DENND2B: variants seen among roughly 807,000 people sequenced by gnomAD.
The protein encoded by DENND2B is DENN domain containing 2B.
DENND2B carries 32 observed loss-of-function variants against 116.0 expected under a neutral mutation model. The ratio of observed to expected loss-of-function variants is 0.28; its 90% CI spans 0.21 to 0.37. The LOEUF is 0.37. Ranked by LOEUF, DENND2B falls within the 10% of genes least tolerant of loss-of-function variation. The pLI is 1.00. For missense variants in DENND2B, 1,276 were observed against 1,477.7 expected (o/e 0.86, Z 2.24); for synonymous variants, 588 against 583.9 (o/e 1.01, Z -0.10).
chr11:8,847,897 C>T (rs556499202), intron 3 of DENND2B, among the ~76,000 whole-genome samples: 1 of 152,040 alleles, frequency 6.6e-6, no homozygotes, highest in Non-Finnish European at 1.5e-5. Flanking sequence ...GAGAACTATC[C>T]CGCAAATGAT....
At chr11:8,788,694 G>A (rs1344985836) in intron 1 of DENND2B, among the ~76,000 whole-genome samples, 2 of 152,140 alleles carry the variant, frequency 1.3e-5, no homozygotes, top group Admixed American at 6.6e-5. Context: ...CTGATTCCCT[G>A]ACATCAATTC....
intron 1 of DENND2B, chr11:8,909,725 G>C (rs1275155945): frequency 6.6e-6 from 1 of 152,182 alleles, no homozygotes; most frequent in African/African-American, 2.4e-5. Context: ...GAAGGAGGTC[G>C]TATTGGTCGG....
At chr11:8,910,074 TTC>T (rs2064296692) in intron 1 of DENND2B, among the ~76,000 whole-genome samples, 1 of 151,884 alleles carries the variant, frequency 6.6e-6, no homozygotes, top group Non-Finnish European at 1.5e-5. Context: ...TGGTGCAGTC[TTC>T]CTAAAAGATG....
At position 8,731,001 on chromosome 11, in the gene DENND2B, C is replaced by A. The variant is rs560823063; in HGVS notation, c.289G>T (p.Ala97Ser). Residue 97 changes from alanine to serine, a missense_variant, in exon 3 of 20, where the codon GCC becomes TCC. Physicochemically the swap from Ala to Ser is moderately conservative, Grantham distance 99. Around this residue, in one of 2 missense-constraint regions of DENND2B, gnomAD observed 856 missense variants for 846.6 expected, o/e 1.01. Transcript: ENST00000313726. ...CTTCTGTCCAAATAACCGAAGCTGG[C>A]GGTCTTGAAGGGACAGGTGGGTGGG... ...TSPPTCPFKTASFGYLDRSPS... is the reference protein window; with the variant it reads ...TSPPTCPFKTSSFGYLDRSPS... 1.2e-5 allele frequency: 20 copies of A among 1,613,920 alleles called. No individual in the cohort carries two copies. The highest frequency in any genetic ancestry group is 1.7e-5 in the Non-Finnish European group (20 of 1,180,026).
chr11:8,727,964 A>AAC lies in DENND2B; in HGVS notation c.1341-1757_1341-1756dup, dbSNP rs55688240. Among the ~76,000 whole-genome samples the AAC allele has an allele frequency of 1.0e-3, 145 of 138,764 alleles. 1 individual carries two copies. Among genetic ancestry groups the AAC allele is most frequent in the African/African-American group, 3.9e-3 (141 of 36,164 alleles). 91.0% of individuals were successfully genotyped at this position (138,764 alleles called of 152,430 possible). The stretch of plus-strand genomic sequence containing the variant: ...TTTGGCTTGGCTTGCATTTTACACA[A>AAC]ACACACACACACACACACACACACA... On this transcript the variant is annotated intron_variant, in intron 3 of 19. Transcript: ENST00000313726.
chr11:8,696,914 G>A (rs976027896), intron 17 of DENND2B, among the ~76,000 whole-genome samples: 27 of 152,192 alleles, frequency 1.8e-4, no homozygotes, highest in African/African-American at 6.5e-4. Context: ...CTCCCAAGTA[G>A]CTGGGATTAC....
Position 8,695,563 on chromosome 11 carries a change from A to G in DENND2B, c.3293-14T>C. The G allele has an allele frequency of 6.2e-7, 1 of 1,612,344 alleles. No homozygotes were observed. Among genetic ancestry groups the G allele is most frequent in the Non-Finnish European group, 8.5e-7 (1 of 1,178,664 alleles). On this transcript the variant is annotated splice_polypyrimidine_tract_variant and intron_variant, in intron 18 of 19. Transcript: ENST00000313726. ...GCTCAAAAAGGCCTGGGTAAAAGAA[A>G]CAGGCACAGGGAAGAGAACAGTCAT...
chr11:8,753,418 T>G (rs951252081), intron 1 of DENND2B, among the ~76,000 whole-genome samples: 1 of 151,994 alleles, frequency 6.6e-6, no homozygotes, highest in African/African-American at 2.4e-5. Flanking sequence ...AAATTAGACA[T>G]AAAAAATGAA....
intron 1 of DENND2B, among the ~76,000 whole-genome samples, chr11:8,889,638 C>T: frequency 6.6e-6 from 1 of 152,200 alleles, no homozygotes; most frequent in Non-Finnish European, 1.5e-5. Context: ...TGGAGCCTGG[C>T]TCATTGCTAG....
At chr11:8,713,387 A>AT (rs1203497567) in intron 8 of DENND2B, among the ~76,000 whole-genome samples, 33 of 148,884 alleles carry the variant, frequency 2.2e-4, no homozygotes, top group Non-Finnish European at 2.8e-4. Context: ...CAGATCTACA[A>AT]TTTTTTTTTT....
At chr11:8,825,900 C>T (rs995111073) in intron 4 of DENND2B, among the ~76,000 whole-genome samples, 5 of 152,160 alleles carry the variant, frequency 3.3e-5, no homozygotes, top group Non-Finnish European at 5.9e-5. Flanking sequence ...TCATGTCCTA[C>T]TCTGCTCCAT....
rs1334446758 is a variant in DENND2B at position 8,696,578 on chromosome 11, C to G, written c.3141G>C (p.Gln1047His). The G allele has an allele frequency of 1.2e-6, 2 of 1,614,224 alleles. No individual in the cohort carries two copies. Among genetic ancestry groups the G allele is most frequent in the East Asian group, 2.2e-5 (1 of 44,884 alleles). The change falls in exon 18 of 20, where the codon CAG (glutamine) becomes CAC (histidine). Residue 1047 changes from glutamine (Q) to histidine (H), a missense_variant. Physicochemically the swap from Gln to His is conservative, Grantham distance 24. Coordinates refer to ENST00000313726, the MANE Select transcript of DENND2B (RefSeq NM_213618.2). ...TVGHYSLFLT[Q>H]SEKGERAFQR... ...GAAAGGCCCTCTCTCCCTTCTCACT[C>G]TGTGTCAGAAAGAGGGAGTAGTGCC... is the stretch of plus-strand genomic sequence containing the variant.
intron 1 of DENND2B, among the ~76,000 whole-genome samples, chr11:8,904,746 GTC>G (rs1282848731): frequency 6.6e-6 from 1 of 152,026 alleles, no homozygotes; most frequent in African/African-American, 2.4e-5. Context: ...ATATGAAAAA[GTC>G]AACTATATTT....
chr11:8,767,756 C>T (rs1282346141), intron 1 of DENND2B, among the ~76,000 whole-genome samples: 1 of 152,172 alleles, frequency 6.6e-6, no homozygotes, highest in African/African-American at 2.4e-5. Context: ...TCTACCCCCT[C>T]GCCTTTGAGA....
chr11:8,852,685 C>A (rs1158932907), intron 3 of DENND2B, among the ~76,000 whole-genome samples: 1 of 152,198 alleles, frequency 6.6e-6, no homozygotes, highest in African/African-American at 2.4e-5. Flanking sequence ...GCGTACTTTA[C>A]TGTGTTACTC....
intron 2 of DENND2B, among the ~76,000 whole-genome samples, chr11:8,859,245 A>G (rs530052482): frequency 6.6e-6 from 1 of 152,130 alleles, no homozygotes; most frequent in Non-Finnish European, 1.5e-5. Flanking sequence ...GTTGTATTGT[A>G]TATCTACTAC....
chr11:8,783,046 CTT>C (rs35035048), intron 1 of DENND2B, among the ~76,000 whole-genome samples: 8 of 118,978 alleles, frequency 6.7e-5, no homozygotes, highest in Non-Finnish European at 1.2e-4. Context: ...CACCACTTAC[CTT>C]TTTTTTTTTT....
At chr11:8,881,439 C>T (rs1201385036) in intron 1 of DENND2B, among the ~76,000 whole-genome samples, 1 of 152,138 alleles carries the variant, frequency 6.6e-6, no homozygotes, top group East Asian at 1.9e-4. Flanking sequence ...TTTTGTTCTA[C>T]TGTATGGGAA....
At chr11:8,811,972 CA>C (rs1489338247), upstream of DENND2B, among the ~76,000 whole-genome samples, 1 of 152,172 alleles carries the variant, frequency 6.6e-6, no homozygotes, top group African/African-American at 2.4e-5. Context: ...CTCCTGGCTT[CA>C]CGCAATCCTC....
Sources: allele counts gnomAD v4.1 joint callset (sites outside exome capture counted in the v4.1 genomes callset), GRCh38; gene constraint gnomAD v4.1.1; regional missense constraint gnomAD v4.1.1; transcripts MANE v1.5; gene names NCBI Gene and HGNC (gene_info 2026-07-23, HGNC 2026-07-21).